The following ZNF57 variants were observed in gnomAD, a reference collection of about 807,000 sequenced individuals.
The protein encoded by ZNF57 is zinc finger protein 57.
ZNF57 carries 11 observed loss-of-function variants against 13.4 expected under a neutral mutation model. The ratio of observed to expected loss-of-function variants is 0.82; its 90% CI spans 0.52 to 1.36. ZNF57 has a LOEUF of 1.36. Among genes scored for constraint, ZNF57 ranks in the 40% most tolerant of loss-of-function variants. ZNF57 has a pLI of 0.00. For synonymous variants in ZNF57, 224 were observed against 238.5 expected (o/e 0.94, Z 0.56); for missense variants, 696 against 667.5 (o/e 1.04, Z -0.47).
intron 1 of ZNF57, among the ~76,000 whole-genome samples, chr19:2,901,591 G>A (rs1402821135): frequency 6.6e-6 from 1 of 151,994 alleles, no homozygotes; most frequent in African/African-American, 2.4e-5. Flanking sequence ...CGTGATCTCG[G>A]CTCACTGCAA....
intron 1 of ZNF57, among the ~76,000 whole-genome samples, chr19:2,903,948 C>A (rs1389992581): frequency 3.3e-5 from 5 of 151,990 alleles, no homozygotes; most frequent in African/African-American, 1.2e-4. Flanking sequence ...ATCTCCTGAC[C>A]TGGTGTTCCG....
intron 1 of ZNF57, among the ~76,000 whole-genome samples, chr19:2,905,409 C>CCCCCCCCCCCCCCCCCA (rs2088064830): frequency 7.6e-5 from 5 of 65,394 alleles, no homozygotes; most frequent in African/African-American, 2.6e-4. Context: ...AGGTGATCGC[C>CCCCCCCCCCCCCCCCCA]CCCCCCCCCT....
chr19:2,917,236 C>T lies in ZNF57; in HGVS notation c.615C>T (p.Phe205=). 1 of 1,614,192 alleles carries T rather than the reference C, an allele frequency of 6.2e-7. No individual in the cohort carries two copies. Reference sequence around the variant, plus strand: ...AGTGTCAAGCATGTGGGCAAACTTTCCAACATCCTCGTTACCTCTCCCACC... The same window carrying T: ...AGTGTCAAGCATGTGGGCAAACTTTTCAACATCCTCGTTACCTCTCCCACC... The part of the protein sequence containing the change: ...PYKCQACGQT[F]QHPRYLSHHV... The change falls in exon 4 of 4, where the codon TTC becomes TTT. Residue 205 remains phenylalanine, a synonymous_variant. Transcript: ENST00000306908.
intron 1 of ZNF57, among the ~76,000 whole-genome samples, chr19:2,913,721 C>T (rs941545265): frequency 5.9e-5 from 9 of 151,738 alleles, no homozygotes; most frequent in African/African-American, 2.2e-4. Context: ...GATCAGAGCT[C>T]ACTGCAACTT....
intron 1 of ZNF57, among the ~76,000 whole-genome samples, chr19:2,901,327 T>G (rs1599593930): frequency 1.3e-5 from 1 of 79,010 alleles, no homozygotes; most frequent in African/African-American, 5.2e-5. Context: ...GTAGGGGCGG[T>G]CAGGGGTCAG....
At chr19:2,904,484 G>A (rs750164396) in intron 1 of ZNF57, among the ~76,000 whole-genome samples, 3 of 152,092 alleles carry the variant, frequency 2.0e-5, no homozygotes, top group Non-Finnish European at 4.4e-5. Context: ...TGAGACCACA[G>A]GTGTGCACCA....
At position 2,917,964 on chromosome 19, in the gene ZNF57, A is replaced by G. The variant is rs1301767897; in HGVS notation, c.1343A>G (p.His448Arg). The change falls in exon 4 of 4, where the codon CAT (histidine) becomes CGT (arginine). Residue 448 changes from histidine to arginine, a missense_variant. His to Arg is a conservative substitution (Grantham distance 29, BLOSUM62 0). Transcript: ENST00000306908. ...AGAATTCACACGCAAGAGCAGCTCC[A>G]TAAATGTGAACACTGTGGGAAGGCC... is the stretch of plus-strand genomic sequence containing the variant. ...HVRIHTQEQL[H>R]KCEHCGKAFT... 2 of 1,613,788 alleles carry G rather than the reference A, an allele frequency of 1.2e-6. No individual in the cohort carries two copies. Among genetic ancestry groups the G allele is most frequent in the Non-Finnish European group, 8.5e-7 (1 of 1,179,890 alleles).
rs772530848 is a variant in ZNF57 at position 2,917,198 on chromosome 19, G to T, written c.577G>T (p.Glu193Ter). The change falls in exon 4 of 4, where the codon GAG (glutamate) becomes TAG (stop). Residue 193 changes from glutamate (E) to a stop codon, truncating the protein, a stop_gained. Transcript: ENST00000306908. LOFTEE classifies it low-confidence loss of function (END_TRUNC). ...CAGTCACGGAAGAACTGACACTGAG[G>T]AGAAGCCGTATAAGTGTCAAGCATG... is the stretch of plus-strand genomic sequence containing the variant. ...LHSHGRTDTE[E>*]KPYKCQACGQ... 1 of 1,614,210 alleles carries T rather than the reference G, an allele frequency of 6.2e-7. No individual in the cohort carries two copies. The highest frequency in any genetic ancestry group is 8.5e-7 in the Non-Finnish European group (1 of 1,180,044).
chr19:2,900,964 C>G lies in ZNF57; in HGVS notation c.-82C>G. The G allele has an allele frequency of 6.5e-7, 1 of 1,534,662 alleles. No individual in the cohort carries two copies. ...GCGTGCCCTGCCTACCACGAGCGGC[C>G]CGGGAGTACCTGTACCTTTCAGCTG... On this transcript the variant is annotated 5_prime_UTR_variant, in exon 1 of 4. Transcript: ENST00000306908.
At chr19:2,906,950 C>T (rs1389001609) in intron 1 of ZNF57, among the ~76,000 whole-genome samples, 1 of 151,810 alleles carries the variant, frequency 6.6e-6, no homozygotes, top group Non-Finnish European at 1.5e-5. Context: ...ACCAGATCCC[C>T]ATGGCCAATT....
Position 2,917,454 on chromosome 19 carries a change from A to C in ZNF57, c.833A>C (p.Lys278Thr). 6.2e-7 allele frequency: 1 copy of C among 1,614,194 alleles called. No individual in the cohort carries two copies. ...QRHMTTHTGE[K>T]PYKCQHCGKA... ...CACATGACAACACACACTGGAGAGA[A>C]GCCCTATAAATGTCAGCACTGTGGG... Residue 278 changes from lysine to threonine, a missense_variant, in exon 4 of 4, where the codon AAG (lysine) becomes ACG (threonine). This residue lies in a region of ZNF57 where 645 missense variants were observed against 591.5 expected (regional missense o/e 1.09). Coordinates refer to ENST00000306908, the MANE Select transcript of ZNF57 (RefSeq NM_173480.3).
chr19:2,916,321 A>C, intron 3 of ZNF57, 72 bp downstream of exon 3: 2 of 1,351,064 alleles, frequency 1.5e-6, no homozygotes, highest in Non-Finnish European at 2.0e-6. Flanking sequence ...TCCAAATATA[A>C]GCATTGCTCC....
rs749667405 is a variant in ZNF57, at chr19:2,916,887, ACATAC to A, written c.303-31_303-27del. On this transcript the variant is annotated intron_variant, in intron 3 of 3. Transcript: ENST00000306908. ...ATACATCTCAACACATCATTACTAA[ACATAC>A]CATACATAAAAATGTCTCTCATTTT... The A allele has an allele frequency of 3.9e-5, 59 of 1,514,254 alleles. No individual in the cohort carries two copies. The Admixed American group carries it at 1.2e-3, about 31-fold the overall frequency. The allele number at this position is 1,514,254 out of a possible 1,614,324, so 93.8% of individuals were successfully genotyped here.
chr19:2,903,238 G>A (rs1394482449), intron 1 of ZNF57, among the ~76,000 whole-genome samples: 2 of 151,954 alleles, frequency 1.3e-5, no homozygotes, highest in Admixed American at 6.6e-5. Context: ...TTCTTTTTTG[G>A]AGACACTGTG....
chr19:2,918,396 T>A lies in ZNF57; in HGVS notation c.*107T>A. On this transcript the variant is annotated 3_prime_UTR_variant, in exon 4 of 4. Transcript: ENST00000306908. ...TCTTACAAGTATGATATTGTCTTTGTCAATACCTCATTTGTAAAACAGACC... is the reference window on the plus strand; with the variant it reads ...TCTTACAAGTATGATATTGTCTTTGACAATACCTCATTTGTAAAACAGACC... 1 of 1,226,666 alleles carries A rather than the reference T, an allele frequency of 8.2e-7. No individual in the cohort carries two copies. The highest frequency in any genetic ancestry group is 1.1e-6 in the Non-Finnish European group (1 of 892,550). The allele number at this position is 1,226,666 out of a possible 1,614,324, so 76.0% of individuals were successfully genotyped here.
At chr19:2,912,894 T>C (rs1435208088) in intron 1 of ZNF57, among the ~76,000 whole-genome samples, 1 of 152,194 alleles carries the variant, frequency 6.6e-6, no homozygotes, top group African/African-American at 2.4e-5. Context: ...TTGCATTTCT[T>C]TGATGACTAA....
rs2088053786 is a variant in ZNF57, at chr19:2,904,124, A to G, written c.3+3076A>G. 1.3e-5 allele frequency among the ~76,000 whole-genome samples: 2 copies of G among 152,158 alleles called. 1 individual carries two copies. The highest frequency in any genetic ancestry group is 4.8e-5 in the African/African-American group (2 of 41,446). ...GCGATCTGCCCTCCTTGGCCTCCCA[A>G]AGTGCTGGGATTACAAGCATGGGCC... On this transcript the variant is annotated intron_variant, in intron 1 of 3. Coordinates refer to ENST00000306908, the MANE Select transcript of ZNF57 (RefSeq NM_173480.3).
Position 2,906,938 on chromosome 19 carries a change from G to A in ZNF57, c.3+5890G>A, listed in dbSNP as rs79622150. On this transcript the variant is annotated intron_variant, in intron 1 of 3. Coordinates refer to ENST00000306908, the MANE Select transcript of ZNF57 (RefSeq NM_173480.3). ...AGGCCACATGGGAGGACAGTGTCTT[G>A]CACCAGATCCCCATGGCCAATTCAC... is the stretch of plus-strand genomic sequence containing the variant. 8.2e-3 allele frequency among the ~76,000 whole-genome samples: 1,241 copies of A among 152,056 alleles called. 13 individuals are homozygous for A. The highest frequency in any genetic ancestry group is 0.028 in the African/African-American group (1,162 of 41,452).
intron 1 of ZNF57, among the ~76,000 whole-genome samples, chr19:2,908,414 G>T (rs983842129): frequency 4.7e-5 from 7 of 149,034 alleles, no homozygotes; most frequent in African/African-American, 1.7e-4. Flanking sequence ...CATATAGAAC[G>T]TACAGCCATT....
Sources: allele counts gnomAD v4.1 joint callset (sites outside exome capture counted in the v4.1 genomes callset), GRCh38; gene constraint gnomAD v4.1.1; regional missense constraint gnomAD v4.1.1; transcripts MANE v1.5; gene names NCBI Gene and HGNC (gene_info 2026-07-23, HGNC 2026-07-21).